Variants in TTC28 observed in about 807,000 individuals in gnomAD.
TTC28 encodes the protein tetratricopeptide repeat domain 28, also known as tetratricopeptide repeat protein 28.
In TTC28, 61 loss-of-function variants were observed where a neutral mutation model predicts 198.0. The observed-to-expected ratio is 0.31, with a 90% CI of 0.25 to 0.38. The LOEUF is 0.38. TTC28 is among the 10% of genes least tolerant of loss of function. The pLI is 1.00. For synonymous variants in TTC28, 1,171 were observed against 1,297.8 expected (o/e 0.90, Z 2.10); for missense variants, 2,678 against 3,164.0 (o/e 0.85, Z 3.69).
At chr22:28,418,185 G>A (rs2047195043) in intron 2 of TTC28, among the ~76,000 whole-genome samples, 1 of 152,164 alleles carries the variant, frequency 6.6e-6, no homozygotes, top group African/African-American at 2.4e-5. Flanking sequence ...GGAGGAAAGT[G>A]TGTCAGACTT....
intron 2 of TTC28, among the ~76,000 whole-genome samples, chr22:28,487,277 T>C (rs949170668): frequency 6.6e-6 from 1 of 151,986 alleles, no homozygotes; most frequent in Non-Finnish European, 1.5e-5. Flanking sequence ...TTTTAAAAAC[T>C]GGATATTATA....
chr22:27,994,009 A>G (rs187111483), intron 17 of TTC28, among the ~76,000 whole-genome samples: 4 of 152,046 alleles, frequency 2.6e-5, no homozygotes, highest in African/African-American at 7.2e-5. Context: ...TGGAGCCTAT[A>G]CCTCCCTCCA....
chr22:28,571,853 C>A (rs2050064889), intron 2 of TTC28, among the ~76,000 whole-genome samples: 2 of 149,126 alleles, frequency 1.3e-5, no homozygotes, highest in African/African-American at 5.0e-5. Context: ...GAGGCTGAGG[C>A]AGGAAAATAG....
rs747258250 is a variant in TTC28 at position 28,107,311 on chromosome 22, A to G, written c.2534T>C (p.Met845Thr). The G allele has an allele frequency of 5.2e-6, 8 of 1,551,836 alleles. 1 individual carries two copies. The South Asian group carries it at 9.5e-5, about 18-fold the overall frequency. ...QVYGNMGITK[M>T]NMNVMEEAIG... is the part of the protein sequence containing the mutation. ...GGCTTCTTCCATCACATTCATGTTC[A>G]TCTTTGTGATGCCCATGTTGCCATA... The change falls in exon 7 of 23, where the codon ATG becomes ACG. Residue 845 changes from methionine to threonine, a missense_variant. Coordinates refer to ENST00000397906, the MANE Select transcript of TTC28 (RefSeq NM_001145418.2).
At position 28,185,485 on chromosome 22, in the gene TTC28, T is replaced by C. The variant is rs190943100; in HGVS notation, c.934-21886A>G. 1.7e-3 allele frequency among the ~76,000 whole-genome samples: 260 copies of C among 152,270 alleles called. 2 individuals are homozygous for C. Among genetic ancestry groups the C allele is most frequent in the African/African-American group, 6.1e-3 (253 of 41,566 alleles). On this transcript the variant is annotated intron_variant, in intron 5 of 22. Transcript: ENST00000397906. ...ATACAACACAAATTCTTACTAAGTA[T>C]AAATAAAATCTTTCTTAGAAAAAAA...
chr22:28,508,703 A>C, intron 2 of TTC28, among the ~76,000 whole-genome samples: 1 of 152,240 alleles, frequency 6.6e-6, no homozygotes, highest in East Asian at 1.9e-4. Context: ...ATGCACCAAT[A>C]CAGGAGTATC....
intron 5 of TTC28, among the ~76,000 whole-genome samples, chr22:28,169,322 G>T (rs979046768): frequency 7.2e-5 from 11 of 152,028 alleles, no homozygotes; most frequent in African/African-American, 2.7e-4. Flanking sequence ...CCGATTACTG[G>T]GTATATACCC....
At chr22:28,113,488 G>C (rs1382805119) in intron 6 of TTC28, among the ~76,000 whole-genome samples, 10 of 152,294 alleles carry the variant, frequency 6.6e-5, no homozygotes, top group Middle Eastern at 3.4e-3. Flanking sequence ...CCAGTGAGAG[G>C]AAGTGAGTTA....
intron 5 of TTC28, among the ~76,000 whole-genome samples, chr22:28,267,654 G>A (rs1183608494): frequency 6.6e-6 from 1 of 152,084 alleles, no homozygotes; most frequent in African/African-American, 2.4e-5. Context: ...GTTCTTCAGA[G>A]GAAGATCATC....
intron 2 of TTC28, among the ~76,000 whole-genome samples, chr22:28,436,009 A>G (rs532166794): frequency 1.9e-4 from 29 of 152,322 alleles, no homozygotes; most frequent in Non-Finnish European, 2.4e-4. Flanking sequence ...ACCATTTAAA[A>G]TATTAAATTC....
chr22:28,453,905 T>G (rs1319119870), intron 2 of TTC28, among the ~76,000 whole-genome samples: 1 of 152,230 alleles, frequency 6.6e-6, no homozygotes, highest in Non-Finnish European at 1.5e-5. Context: ...GGCTTTAACA[T>G]GGCCTACAAG....
At chr22:28,385,225 T>C (rs1288799086) in intron 2 of TTC28, among the ~76,000 whole-genome samples, 1 of 151,212 alleles carries the variant, frequency 6.6e-6, no homozygotes, top group East Asian at 1.9e-4. Context: ...TTATTTGCAA[T>C]TTTCTTTTTT....
chr22:28,492,577 G>T (rs1476829733), intron 2 of TTC28, among the ~76,000 whole-genome samples: 1 of 152,134 alleles, frequency 6.6e-6, no homozygotes, highest in Non-Finnish European at 1.5e-5. Flanking sequence ...TAAAGTCAAT[G>T]AACAAGTGAT....
At chr22:28,408,915 A>C (rs967185122) in intron 2 of TTC28, among the ~76,000 whole-genome samples, 3 of 152,230 alleles carry the variant, frequency 2.0e-5, no homozygotes, top group Non-Finnish European at 4.4e-5. Context: ...AGGCAACAGT[A>C]TATCTTGCAT....
At chr22:28,143,566 C>T (rs945314754) in intron 6 of TTC28, among the ~76,000 whole-genome samples, 2 of 152,172 alleles carry the variant, frequency 1.3e-5, no homozygotes, top group Admixed American at 1.3e-4. Context: ...TATAATTTAA[C>T]ACCCATTTAG....
rs147697476 is a variant in TTC28, at chr22:28,632,942, T to C, written c.103-3112A>G. Among the ~76,000 whole-genome samples the C allele has an allele frequency of 3.1e-4, 47 of 150,556 alleles. No homozygotes were observed. In the East Asian group the frequency reaches 4.5e-3, roughly 14 times the overall value. ...GGAGTTTGAGACCAGCCTGGCAACA[T>C]AGCAAGACCCTGTCTCTATTTTAGA... On this transcript the variant is annotated intron_variant, in intron 1 of 22. Transcript: ENST00000397906.
At chr22:28,217,192 A>G (rs1385326648) in intron 5 of TTC28, among the ~76,000 whole-genome samples, 1 of 152,164 alleles carries the variant, frequency 6.6e-6, no homozygotes, top group Non-Finnish European at 1.5e-5. Context: ...CTGAGTGTTA[A>G]TGACTACACA....
intron 2 of TTC28, among the ~76,000 whole-genome samples, chr22:28,531,455 T>A (rs1396726531): frequency 6.6e-6 from 1 of 152,060 alleles, no homozygotes; most frequent in East Asian, 1.9e-4. Context: ...CACACAATAA[T>A]AATGGGAGAT....
chr22:28,231,213 C>G (rs897371863), intron 5 of TTC28, among the ~76,000 whole-genome samples: 1 of 152,146 alleles, frequency 6.6e-6, no homozygotes, highest in Non-Finnish European at 1.5e-5. Flanking sequence ...ACTTGAAGAA[C>G]CAACAGTCTA....
Sources: gnomAD v4.1 joint callset for allele counts (sites outside exome capture counted in the v4.1 genomes callset) on GRCh38, gnomAD v4.1.1 for gene constraint, MANE v1.5 for transcripts, NCBI Gene and HGNC (gene_info 2026-07-23, HGNC 2026-07-21) for gene names.